Variants in LAMA3 observed in about 807,000 individuals in gnomAD.
The protein encoded by LAMA3 is laminin subunit alpha-3.
A neutral mutation model predicts 402.0 loss-of-function variants in LAMA3; 281 were observed. The observed-to-expected ratio is 0.70, with a 90% CI of 0.63 to 0.77. LAMA3 has a LOEUF of 0.77. Among genes scored for constraint, LAMA3 ranks in the 30% least tolerant of loss-of-function variants. The pLI is 0.00. For missense variants in LAMA3, 3,840 were observed against 4,215.5 expected (o/e 0.91, Z 2.47); for synonymous variants, 1,431 against 1,558.4 (o/e 0.92, Z 1.93).
chr18:23,953,158 A>C, intron 74 of LAMA3, 49 bp downstream of exon 74: 2 of 1,609,888 alleles, frequency 1.2e-6, no homozygotes. Flanking sequence ...GTCAGCTCTG[A>C]ACATTCACTT....
chr18:23,787,737 A>G (rs1426820275), intron 12 of LAMA3, among the ~76,000 whole-genome samples: 2 of 152,192 alleles, frequency 1.3e-5, no homozygotes. Context: ...ATTACTATTC[A>G]TGATCAAGGC....
intron 35 of LAMA3, among the ~76,000 whole-genome samples, chr18:23,864,340 C>T (rs1356308654): frequency 6.6e-6 from 1 of 151,874 alleles, no homozygotes; most frequent in Non-Finnish European, 1.5e-5. Flanking sequence ...GATCTTTCCA[C>T]CTCAGCTTCC....
At chr18:23,725,648 A>G (rs2061288083) in intron 2 of LAMA3, among the ~76,000 whole-genome samples, 1 of 152,214 alleles carries the variant, frequency 6.6e-6, no homozygotes, top group African/African-American at 2.4e-5. Flanking sequence ...CTCAGGGCAC[A>G]GACAATGTGA....
At chr18:23,932,652 A>G in intron 66 of LAMA3, 1 of 310,624 alleles carries the variant, frequency 3.2e-6, no homozygotes, top group Non-Finnish European at 6.2e-6. Flanking sequence ...AAGGAACTGC[A>G]TGGACCAGTG....
chr18:23,897,805 G>A (rs2080925479), intron 44 of LAMA3, among the ~76,000 whole-genome samples: 2 of 152,194 alleles, frequency 1.3e-5, no homozygotes, highest in South Asian at 4.1e-4. Flanking sequence ...AAGAAGGGAA[G>A]TAACATTTTT....
chr18:23,760,391 G>A (rs1322929319), intron 7 of LAMA3, among the ~76,000 whole-genome samples: 2 of 151,978 alleles, frequency 1.3e-5, no homozygotes, highest in African/African-American at 4.8e-5. Flanking sequence ...AGAAAGCATT[G>A]AGCCTGTTTT....
chr18:23,920,847 G>C, intron 60 of LAMA3, 88 bp from the exon 61 acceptor site: 1 of 1,504,074 alleles, frequency 6.6e-7, no homozygotes, highest in Non-Finnish European at 9.2e-7. Flanking sequence ...CTGAGAGCAG[G>C]GGGGTCTGTG....
At chr18:23,941,326 G>GCCCC (rs202068459) in intron 68 of LAMA3, among the ~76,000 whole-genome samples, 19 of 40,016 alleles carry the variant, frequency 4.7e-4, no homozygotes, top group African/African-American at 1.1e-3. Context: ...TCAGCTTGGC[G>GCCCC]CCCCCCCCCC....
chr18:23,758,364 A>G (rs1417250339), intron 6 of LAMA3, 32 bp from the exon 7 acceptor site: 3 of 1,559,524 alleles, frequency 1.9e-6, no homozygotes, highest in Non-Finnish European at 2.6e-6. Flanking sequence ...AAACTTTTCA[A>G]TAACTGAGAT....
At chr18:23,818,254 T>G (rs1245445762) in intron 18 of LAMA3, among the ~76,000 whole-genome samples, 3 of 152,278 alleles carry the variant, frequency 2.0e-5, no homozygotes, top group Non-Finnish European at 2.9e-5. Context: ...ACATTTTTTC[T>G]TCTTCCAACT....
chr18:23,777,636 T>C lies in LAMA3; in HGVS notation c.1468+17T>C. On this transcript the variant is annotated intron_variant, in intron 11 of 74. Transcript: ENST00000313654. ...ATATAAAAGGCAAGTAACCTCCCTT[T>C]TGGTTTAACTCCAGTGAAAATGTTA... 1 of 1,573,868 alleles carries C rather than the reference T, an allele frequency of 6.4e-7. No individual in the cohort carries two copies. Among genetic ancestry groups the C allele is most frequent in the Non-Finnish European group, 8.7e-7 (1 of 1,143,392 alleles).
chr18:23,822,396 G>A (rs770239373), intron 20 of LAMA3, 21 bp downstream of exon 20: 21 of 1,609,542 alleles, frequency 1.3e-5, no homozygotes, highest in Middle Eastern at 3.3e-4. Context: ...TAGGTAAAAT[G>A]TCAAGCCTCT....
At chr18:23,855,462 A>T (rs1010395749) in intron 32 of LAMA3, among the ~76,000 whole-genome samples, 1 of 152,048 alleles carries the variant, frequency 6.6e-6, no homozygotes, top group African/African-American at 2.4e-5. Context: ...TGTGCTCCAC[A>T]CTCGCTGTCT....
At chr18:23,914,334 T>G (rs2081534458) in intron 56 of LAMA3, 76 bp from the exon 57 acceptor site, 12 of 1,503,218 alleles carry the variant, frequency 8.0e-6, no homozygotes, top group Non-Finnish European at 1.1e-5. Context: ...TTATTTGAAA[T>G]GCATCCTCAT....
intron 38 of LAMA3, among the ~76,000 whole-genome samples, chr18:23,873,994 G>A (rs1329186165): frequency 1.3e-5 from 2 of 152,068 alleles, no homozygotes; most frequent in Admixed American, 6.6e-5. Context: ...CTTTATAAGA[G>A]GTGAAAAAAT....
At chr18:23,897,296 A>G (rs1453702621) in intron 44 of LAMA3, among the ~76,000 whole-genome samples, 1 of 152,246 alleles carries the variant, frequency 6.6e-6, no homozygotes, top group Non-Finnish European at 1.5e-5. Flanking sequence ...CTGAGTATAT[A>G]TAGCAAAAGA....
chr18:23,946,098 T>G, intron 69 of LAMA3, 46 bp from the exon 70 acceptor site: 1 of 1,580,544 alleles, frequency 6.3e-7, no homozygotes, highest in Non-Finnish European at 8.7e-7. Flanking sequence ...ACAACACCAA[T>G]TGTCAAAGGT....
chr18:23,711,012 T>C (rs1019972689), intron 1 of LAMA3, among the ~76,000 whole-genome samples: 4 of 152,228 alleles, frequency 2.6e-5, no homozygotes, highest in Admixed American at 2.6e-4. Context: ...ACTTGGCTAA[T>C]ACAAAGTTAA....
At chr18:23,917,139 C>T (rs575239892) in intron 60 of LAMA3, among the ~76,000 whole-genome samples, 1 of 152,092 alleles carries the variant, frequency 6.6e-6, no homozygotes, top group African/African-American at 2.4e-5. Flanking sequence ...TCTGTTCCTA[C>T]GTTCGTTTGT....
Sources: allele counts gnomAD v4.1 joint callset (sites outside exome capture counted in the v4.1 genomes callset), GRCh38; gene constraint gnomAD v4.1.1; transcripts MANE v1.5; gene names NCBI Gene and HGNC (gene_info 2026-07-23, HGNC 2026-07-21).